KIAA1217: variants seen among roughly 807,000 people sequenced by gnomAD.
KIAA1217 encodes the protein KIAA1217, also known as sickle tail protein homolog.
Under a neutral mutation model 163.9 loss-of-function variants are expected in KIAA1217, and 88 were observed. The ratio of observed to expected loss-of-function variants is 0.54; its 90% confidence interval spans 0.45 to 0.64. The LOEUF is 0.64. Among genes scored for constraint, KIAA1217 ranks in the 30% least tolerant of loss-of-function variants. KIAA1217 has a pLI of 0.00. For synonymous variants in KIAA1217, 903 were observed against 923.1 expected, an observed-to-expected ratio of 0.98 and a Z score of 0.39; for missense variants, 2,372 against 2,475.0, an observed-to-expected ratio of 0.96 and a Z score of 0.88.
In KIAA1217 at chr10:24,288,652, A is replaced by C. The variant is rs146516223; in HGVS notation, c.354+68743A>C. ...TAGAGGGAACAAAAGGATAAGAGGC[A>C]GTTTGGGTCAGGGAAGGCTGAGGCT... On this transcript the variant is annotated intron_variant, in intron 2 of 20. Transcript: ENST00000376454. Among the ~76,000 whole-genome samples the C allele has an allele frequency of 4.3e-3, 649 of 152,324 alleles. 2 individuals are homozygous for C. Among genetic ancestry groups the C allele is most frequent in the Non-Finnish European group, 7.6e-3 (520 of 68,030 alleles).
chr10:24,208,910 C>A (rs377019402), upstream of KIAA1217: 5 of 382,674 alleles, frequency 1.3e-5, no homozygotes, highest in Non-Finnish European at 2.4e-5. Context: ...CAGAGCCCAG[C>A]CCCCAGTCCC....
rs191257811 is a variant in KIAA1217 at position 23,762,060 on chromosome 10, G to A, written c.-321+66826G>A. ...ACTCCCAAGACTAAACCAGGAAGAAGTCAAATTCCTGAGTAGACCAATAAC... is the reference window on the plus strand; with the variant it reads ...ACTCCCAAGACTAAACCAGGAAGAAATCAAATTCCTGAGTAGACCAATAAC... On this transcript the variant is annotated intron_variant, in intron 1 of 18. Transcript: ENST00000376462. Among the ~76,000 whole-genome samples the A allele has an allele frequency of 5.3e-5, 8 of 152,198 alleles. No homozygotes were observed. In the East Asian group the frequency reaches 1.5e-3, roughly 29 times the overall value.
chr10:23,790,430 C>T lies in KIAA1217; in HGVS notation c.-321+95196C>T, dbSNP rs201793123. Reference sequence around the variant, plus strand: ...ATACATATACATATATACATATATACATATACATATATACATATATACATG... The same window carrying T: ...ATACATATACATATATACATATATATATATACATATATACATATATACATG... On this transcript the variant is annotated intron_variant, in intron 1 of 18. Transcript: ENST00000376462. Among the ~76,000 whole-genome samples, 223 of 73,712 alleles carry T rather than the reference C, an allele frequency of 3.0e-3. 29 individuals carry two copies. Among genetic ancestry groups the T allele is most frequent in the Middle Eastern group, 0.01 (1 of 98 alleles). The allele number at this position is 73,712 out of a possible 152,430, so 48.4% of individuals were successfully genotyped here.
chr10:24,475,905 G>C (rs2063976063), intron 6 of KIAA1217, among the ~76,000 whole-genome samples: 1 of 152,096 alleles, frequency 6.6e-6, no homozygotes, highest in Admixed American at 6.6e-5. Flanking sequence ...GTTGCTGAGG[G>C]GATGGAACTT....
chr10:23,869,863 A>G (rs1840376547), intron 1 of KIAA1217, among the ~76,000 whole-genome samples: 1 of 152,122 alleles, frequency 6.6e-6, no homozygotes, highest in Non-Finnish European at 1.5e-5. Flanking sequence ...ATTTTTAGTC[A>G]ATATTTAGTT....
intron 2 of KIAA1217, among the ~76,000 whole-genome samples, chr10:24,185,762 T>G (rs1391322263): frequency 1.3e-5 from 2 of 151,944 alleles, no homozygotes; most frequent in Non-Finnish European, 2.9e-5. Context: ...GCCACTGCAC[T>G]CTAGCCTGAG....
At chr10:24,256,892 C>T (rs749928393) in intron 2 of KIAA1217, among the ~76,000 whole-genome samples, 1 of 152,080 alleles carries the variant, frequency 6.6e-6, no homozygotes. Flanking sequence ...AAGTGGGACG[C>T]ATCATAAGGT....
chr10:24,543,030 G>A lies in KIAA1217; in HGVS notation c.3760G>A (p.Asp1254Asn), dbSNP rs1330935282. The A allele has an allele frequency of 6.2e-7, 1 of 1,613,872 alleles. No individual in the cohort carries two copies. Among genetic ancestry groups the A allele is most frequent in the African/African-American group, 1.3e-5 (1 of 74,946 alleles). The part of the protein sequence containing the change: ...NSISNMSLLR[D>N]SRNYSQETVP... ...CATATCCAATATGAGTTTACTCAGA[G>A]ACAGTAGAAACTATTCCCAGGAAAC... The change falls in exon 19 of 21, where the codon GAC becomes AAC. Residue 1254 changes from aspartate (D) to asparagine (N), a missense_variant. This residue lies in a region of KIAA1217 where 251 missense variants were observed against 327.3 expected (regional missense o/e 0.77). Coordinates refer to ENST00000376454, the MANE Select transcript of KIAA1217 (RefSeq NM_019590.5).
intron 1 of KIAA1217, among the ~76,000 whole-genome samples, chr10:23,915,612 T>C (rs1290876846): frequency 2.0e-5 from 3 of 152,160 alleles, no homozygotes; most frequent in Non-Finnish European, 4.4e-5. Flanking sequence ...TAAGGGTATA[T>C]AGAAATTCTC....
chr10:24,467,475 G>A (rs1374829558), intron 5 of KIAA1217, among the ~76,000 whole-genome samples: 2 of 152,176 alleles, frequency 1.3e-5, no homozygotes, highest in Non-Finnish European at 2.9e-5. Context: ...ATTATATCTA[G>A]TGCAGTTGAA....
At chr10:24,071,460 A>T (rs1038309884) in intron 2 of KIAA1217, among the ~76,000 whole-genome samples, 2 of 152,172 alleles carry the variant, frequency 1.3e-5, no homozygotes, top group African/African-American at 4.8e-5. Context: ...TTAATTGCTT[A>T]TTGAAATCAG....
At chr10:24,060,095 A>T (rs1227477307) in intron 2 of KIAA1217, among the ~76,000 whole-genome samples, 1 of 151,878 alleles carries the variant, frequency 6.6e-6, no homozygotes, top group Non-Finnish European at 1.5e-5. Context: ...TAGTCTAGCT[A>T]AAGGTGTGTC....
intron 2 of KIAA1217, chr10:24,255,137 G>A (rs1378990513): frequency 6.2e-6 from 1 of 161,024 alleles, no homozygotes; most frequent in Admixed American, 6.5e-5. Flanking sequence ...TTACAGGCAT[G>A]AGCCATGACA....
At chr10:24,441,143 C>G (rs570353641) in intron 5 of KIAA1217, among the ~76,000 whole-genome samples, 15 of 152,292 alleles carry the variant, frequency 9.8e-5, no homozygotes, top group Admixed American at 4.6e-4. Flanking sequence ...ACTCCGTCCT[C>G]CCTTATGTTT....
At chr10:24,039,944 T>C (rs1848562789) in intron 2 of KIAA1217, among the ~76,000 whole-genome samples, 1 of 152,152 alleles carries the variant, frequency 6.6e-6, no homozygotes, top group Non-Finnish European at 1.5e-5. Flanking sequence ...TTTTTCCCCT[T>C]TCCCTTGTAA....
chr10:23,700,335 A>G (rs892390016), intron 1 of KIAA1217, among the ~76,000 whole-genome samples: 4 of 152,090 alleles, frequency 2.6e-5, no homozygotes, highest in East Asian at 3.9e-4. Context: ...AGCTGCAGTC[A>G]TATCCCTGAA....
At chr10:23,781,485 C>A (rs904691117) in intron 1 of KIAA1217, among the ~76,000 whole-genome samples, 1 of 152,150 alleles carries the variant, frequency 6.6e-6, no homozygotes, top group African/African-American at 2.4e-5. Context: ...TGGACATTAA[C>A]CCCTTATATA....
intron 1 of KIAA1217, among the ~76,000 whole-genome samples, chr10:23,858,519 T>TAC (rs887334736): frequency 6.6e-6 from 1 of 152,100 alleles, no homozygotes; most frequent in African/African-American, 2.4e-5. Context: ...AGCAGTTGTA[T>TAC]ACACATGTCT....
intron 2 of KIAA1217, among the ~76,000 whole-genome samples, chr10:24,009,916 G>C (rs1489085088): frequency 1.3e-5 from 2 of 152,246 alleles, no homozygotes; most frequent in Non-Finnish European, 2.9e-5. Flanking sequence ...GTGTGTATCT[G>C]TATGGGGGCT....
Sources: gnomAD v4.1 joint callset for allele counts (sites outside exome capture counted in the v4.1 genomes callset) on GRCh38, gnomAD v4.1.1 for gene constraint, gnomAD v4.1.1 regional missense constraint, MANE v1.5 for transcripts, NCBI Gene and HGNC (gene_info 2026-07-23, HGNC 2026-07-21) for gene names.